Variants in ZBTB20 observed in about 807,000 individuals in gnomAD.
The protein encoded by ZBTB20 is zinc finger and BTB domain-containing protein 20.
Under a neutral mutation model 56.9 loss-of-function variants are expected in ZBTB20, and 9 were observed. The observed-to-expected ratio is 0.16, with a 90% CI of 0.10 to 0.28. The LOEUF is 0.28. Among genes scored for constraint, ZBTB20 ranks in the 10% least tolerant of loss-of-function variants. The pLI is 1.00. For missense variants in ZBTB20, 655 were observed against 1,003.0 expected, an observed-to-expected ratio of 0.65 and a Z score of 4.69; for synonymous variants, 417 against 420.7, an observed-to-expected ratio of 0.99 and a Z score of 0.11.
chr3:114,333,377 A>C lies in ZBTB20; in HGVS notation c.*5628T>G, dbSNP rs2079333972. 1 of 152,208 alleles carries C rather than the reference A, an allele frequency of 6.6e-6. No individual in the cohort carries two copies. Among genetic ancestry groups the C allele is most frequent in the African/African-American group, 2.4e-5 (1 of 41,450 alleles). 9.4% of individuals were successfully genotyped at this position (152,208 alleles called of 1,614,324 possible). ...CACCAGGGTAGAGATTGCTTTTGAA[A>C]GTTTGCCCCATGTAATCTATTTCCT... On this transcript the variant is annotated 3_prime_UTR_variant, in exon 12 of 12. Transcript: ENST00000675478.
At chr3:114,943,601 A>G (rs1560423181) in intron 3 of ZBTB20, among the ~76,000 whole-genome samples, 1 of 145,512 alleles carries the variant, frequency 6.9e-6, no homozygotes, top group Non-Finnish European at 1.5e-5. Flanking sequence ...AATCGCAGCC[A>G]GTTAGACACA....
intron 5 of ZBTB20, among the ~76,000 whole-genome samples, chr3:114,764,156 T>G (rs1421562547): frequency 1.3e-5 from 2 of 152,056 alleles, no homozygotes; most frequent in Non-Finnish European, 2.9e-5. Context: ...GCATGAGCTT[T>G]CAGAGCCAGA....
intron 3 of ZBTB20, chr3:114,931,347 T>C (rs1478535255): frequency 1.7e-5 from 4 of 229,822 alleles, no homozygotes; most frequent in South Asian, 7.0e-5. Context: ...AAAACCCCAA[T>C]TATCTATGTA....
chr3:114,788,424 A>G (rs541127857), intron 5 of ZBTB20, among the ~76,000 whole-genome samples: 1 of 152,268 alleles, frequency 6.6e-6, no homozygotes, highest in African/African-American at 2.4e-5. Flanking sequence ...ATTTGACTAT[A>G]CTAGGTACTT....
intron 6 of ZBTB20, among the ~76,000 whole-genome samples, chr3:114,552,366 C>T (rs2050687546): frequency 6.6e-6 from 1 of 151,762 alleles, no homozygotes; most frequent in Admixed American, 6.6e-5. Context: ...GAAATCTATC[C>T]CAAAAAGATC....
chr3:114,699,745 A>G (rs1045989856), intron 5 of ZBTB20, among the ~76,000 whole-genome samples: 4 of 152,098 alleles, frequency 2.6e-5, no homozygotes, highest in African/African-American at 9.7e-5. Flanking sequence ...TTCAATAAGC[A>G]TTCTGGCAAT....
chr3:114,951,567 C>T (rs1315095464), intron 3 of ZBTB20, among the ~76,000 whole-genome samples: 1 of 152,050 alleles, frequency 6.6e-6, no homozygotes, highest in African/African-American at 2.4e-5. Flanking sequence ...ACAGGACAGA[C>T]CTGAAAAGCA....
rs922685633 is a variant in ZBTB20 at position 114,338,101 on chromosome 3, T to A, written c.*904A>T. The A allele has an allele frequency of 1.1e-4, 17 of 152,000 alleles. No individual in the cohort carries two copies. Among genetic ancestry groups the A allele is most frequent in the African/African-American group, 4.1e-4 (17 of 41,392 alleles). 9.4% of individuals were successfully genotyped at this position (152,000 alleles called of 1,614,324 possible). On this transcript the variant is annotated 3_prime_UTR_variant, in exon 12 of 12. Transcript: ENST00000675478. The stretch of plus-strand genomic sequence containing the variant: ...AAGAATATATCCTGACACTTTTTTT[T>A]TTTTTGCAAAGATTGTTGGAAATAA...
intron 11 of ZBTB20, among the ~76,000 whole-genome samples, chr3:114,341,685 G>C (rs768480514): frequency 1.3e-4 from 20 of 152,288 alleles, no homozygotes; most frequent in Non-Finnish European, 2.5e-4. Flanking sequence ...TTGTTTGTGT[G>C]CATGTAGTAT....
At chr3:114,763,030 A>T (rs1407101875) in intron 5 of ZBTB20, among the ~76,000 whole-genome samples, 1 of 152,158 alleles carries the variant, frequency 6.6e-6, no homozygotes, top group African/African-American at 2.4e-5. Context: ...ATATTTTCAC[A>T]TACTTTATAT....
At chr3:114,736,091 A>G (rs1222290659) in intron 5 of ZBTB20, among the ~76,000 whole-genome samples, 1 of 152,206 alleles carries the variant, frequency 6.6e-6, no homozygotes. Context: ...GTATAAAGGT[A>G]AAGGATACAC....
At chr3:114,491,913 G>A (rs1049312293) in intron 7 of ZBTB20, among the ~76,000 whole-genome samples, 4 of 152,064 alleles carry the variant, frequency 2.6e-5, no homozygotes, top group Non-Finnish European at 4.4e-5. Flanking sequence ...AACAGCTTTT[G>A]CTGAGGTCAA....
chr3:114,371,739 T>C (rs2733405), intron 10 of ZBTB20, among the ~76,000 whole-genome samples: 65,949 of 151,994 alleles, frequency 0.43, 14,603 homozygotes, highest in Non-Finnish European at 0.46. Context: ...GACTCTGTCA[T>C]TCATTATGCT....
chr3:114,366,599 T>C (rs929468002), intron 10 of ZBTB20: 1 of 152,230 alleles, frequency 6.6e-6, no homozygotes, highest in African/African-American at 2.4e-5. Flanking sequence ...TATACAGACT[T>C]GTGTACAGTC....
chr3:114,580,643 G>C (rs747061345), intron 6 of ZBTB20, among the ~76,000 whole-genome samples: 1 of 151,732 alleles, frequency 6.6e-6, no homozygotes, highest in African/African-American at 2.4e-5. Context: ...GCTCAGCAAA[G>C]TTGCTGAATA....
At chr3:114,503,657 A>G (rs1232323998) in intron 6 of ZBTB20, among the ~76,000 whole-genome samples, 1 of 152,180 alleles carries the variant, frequency 6.6e-6, no homozygotes, top group Non-Finnish European at 1.5e-5. Flanking sequence ...TATATCTAGC[A>G]AAGAGTATAA....
chr3:114,877,487 C>T (rs1340592267), intron 4 of ZBTB20, among the ~76,000 whole-genome samples: 2 of 152,172 alleles, frequency 1.3e-5, no homozygotes, highest in African/African-American at 4.8e-5. Flanking sequence ...TGTTCTTGGG[C>T]AAATCATTCA....
rs144763797 is a variant in ZBTB20 at position 114,898,305 on chromosome 3, G to A, written c.-417+1999C>T. Among the ~76,000 whole-genome samples the A allele has an allele frequency of 5.1e-3, 782 of 152,200 alleles. 17 individuals carry two copies. In the South Asian group the frequency reaches 0.055, roughly 11 times the overall value. ...AAGTAACTTAGCCATTAATGCCTCA[G>A]CCTTATGTGTATAATGGGAATAACA... is the stretch of plus-strand genomic sequence containing the variant. On this transcript the variant is annotated intron_variant, in intron 4 of 11. Coordinates refer to ENST00000675478, the MANE Select transcript of ZBTB20 (RefSeq NM_001348800.3).
rs149348221 is a variant in ZBTB20, at chr3:114,399,895, G to A, written c.-254-10790C>T. Reference sequence around the variant, plus strand: ...TATATATTGACCTAGACATGTTAAAGATTATGTGGTACTTTCATGAACACT... The same window carrying A: ...TATATATTGACCTAGACATGTTAAAAATTATGTGGTACTTTCATGAACACT... On this transcript the variant is annotated intron_variant, in intron 7 of 11. Transcript: ENST00000675478. 5.3e-5 allele frequency among the ~76,000 whole-genome samples: 8 copies of A among 152,228 alleles called. No individual in the cohort carries two copies. In the East Asian group the frequency reaches 1.5e-3, roughly 29 times the overall value.
Sources: allele counts gnomAD v4.1 joint callset (sites outside exome capture counted in the v4.1 genomes callset), GRCh38; gene constraint gnomAD v4.1.1; transcripts MANE v1.5; gene names NCBI Gene and HGNC (gene_info 2026-07-23, HGNC 2026-07-21).